Variants in GRAMD4 observed in about 807,000 individuals in gnomAD.
GRAMD4 encodes the protein GRAM domain containing 4, also known as GRAM domain-containing protein 4.
GRAMD4 carries 25 observed loss-of-function variants against 83.9 expected under a neutral mutation model. The ratio of observed to expected loss-of-function variants is 0.30; its 90% CI spans 0.22 to 0.42. The LOEUF is 0.42. GRAMD4 is among the 10% of genes least tolerant of loss of function. The probability of loss-of-function intolerance (pLI) is 1.00; values close to 1 mark genes in which losing one functional copy is unlikely to be tolerated. For synonymous variants in GRAMD4, 336 were observed against 320.9 expected, an observed-to-expected ratio of 1.05 and a Z score of -0.50; for missense variants, 593 against 788.7, an observed-to-expected ratio of 0.75 and a Z score of 2.97.
rs1483259931 is a variant in GRAMD4 at position 46,659,576 on chromosome 22, T to C, written c.404+1269T>C. On this transcript the variant is annotated intron_variant, in intron 4 of 18. Transcript: ENST00000406902. This position sits in a 1 kb window ranked among gnomAD's most constrained non-coding sequence, Gnocchi z 4.1. ...AGGACTCCAAGTGTCGCTGCTTAGCTGGCCCTGAGGAAGCGGCTCCCTTCA... is the reference window on the plus strand; with the variant it reads ...AGGACTCCAAGTGTCGCTGCTTAGCCGGCCCTGAGGAAGCGGCTCCCTTCA... Among the ~76,000 whole-genome samples, 1 of 152,242 alleles carries C rather than the reference T, an allele frequency of 6.6e-6. No individual in the cohort carries two copies. Among genetic ancestry groups the C allele is most frequent in the Non-Finnish European group, 1.5e-5 (1 of 68,052 alleles).
At chr22:46,596,606 G>C (rs902816909) in intron 1 of GRAMD4, among the ~76,000 whole-genome samples, 2 of 152,130 alleles carry the variant, frequency 1.3e-5, no homozygotes, top group Non-Finnish European at 2.9e-5. Flanking sequence ...GCAGTGGCAC[G>C]ATCTCACAAT....
chr22:46,600,573 G>A (rs1424653699), intron 1 of GRAMD4, among the ~76,000 whole-genome samples: 1 of 152,160 alleles, frequency 6.6e-6, no homozygotes, highest in Admixed American at 6.5e-5. Context: ...CTGAGTGGGG[G>A]AAGCACAGAC....
Position 46,647,313 on chromosome 22 carries a change from A to G in GRAMD4, c.283+9353A>G, listed in dbSNP as rs149211501. ...GTTGGCCCCCAATCCCTGTTTCTCC[A>G]TCACCTCCATTGCCCCATGAACTCC... On this transcript the variant is annotated intron_variant, in intron 3 of 18. Coordinates refer to ENST00000406902, the MANE Select transcript of GRAMD4 (RefSeq NM_015124.5). 6.6e-5 allele frequency among the ~76,000 whole-genome samples: 10 copies of G among 152,340 alleles called. No homozygotes were observed. In the East Asian group the frequency reaches 1.9e-3, roughly 29 times the overall value.
intron 17 of GRAMD4, 114 bp from the exon 18 acceptor site, chr22:46,676,486 C>T (rs957179417): frequency 1.6e-5 from 14 of 850,060 alleles, no homozygotes; most frequent in Middle Eastern, 3.4e-4. Context: ...CCCAGGTGCC[C>T]GTGGGCCCTG....
intron 1 of GRAMD4, among the ~76,000 whole-genome samples, chr22:46,578,839 T>C (rs954813408): frequency 1.3e-5 from 2 of 152,070 alleles, no homozygotes; most frequent in Non-Finnish European, 2.9e-5. Context: ...TTGGCAGCCA[T>C]GTGGACCCTT....
chr22:46,623,473 C>T (rs1231130545), intron 1 of GRAMD4, among the ~76,000 whole-genome samples: 1 of 152,128 alleles, frequency 6.6e-6, no homozygotes, highest in Non-Finnish European at 1.5e-5. Flanking sequence ...TTGCAAGCTC[C>T]GCCTCCCGGG....
At chr22:46,664,146 G>T (rs1456082496) in intron 8 of GRAMD4, 29 bp downstream of exon 8, 2 of 1,505,384 alleles carry the variant, frequency 1.3e-6, no homozygotes, top group Non-Finnish European at 9.2e-7. Context: ...GGCCGAGCAG[G>T]GTGGGTGGGA....
intron 2 of GRAMD4, among the ~76,000 whole-genome samples, chr22:46,630,637 C>T (rs1202701169): frequency 6.6e-6 from 1 of 152,218 alleles, no homozygotes. Flanking sequence ...TCTTCCGTGG[C>T]GGACCCCAAG....
rs199502913 is a variant in GRAMD4, at chr22:46,677,125, G to A, written c.1633-22G>A. On this transcript the variant is annotated intron_variant, in intron 18 of 18. Transcript: ENST00000406902. ...CCAGCCTGGCTGTGCCATGCTCACT[G>A]GTGGCATTTCTTCCCTGCCAGCCGC... 2.2e-5 allele frequency: 36 copies of A among 1,611,174 alleles called. No homozygotes were observed. In the East Asian group the frequency reaches 7.4e-4, roughly 33 times the overall value.
chr22:46,617,726 C>T (rs899478406), upstream of GRAMD4, among the ~76,000 whole-genome samples: 8 of 152,160 alleles, frequency 5.3e-5, no homozygotes, highest in Admixed American at 3.3e-4. Flanking sequence ...ATACACCGTG[C>T]TGGCATTAGC....
chr22:46,603,057 A>G (rs903943802), intron 1 of GRAMD4, among the ~76,000 whole-genome samples: 3 of 151,376 alleles, frequency 2.0e-5, no homozygotes, highest in African/African-American at 7.3e-5. Context: ...CCATTTTTCT[A>G]TTGAAATGTT....
In GRAMD4 at chr22:46,677,318, G is replaced by C; in HGVS notation, c.*67G>C. The stretch of plus-strand genomic sequence containing the variant: ...TTTCTTTTTCTTTTTTTTTTTTTAC[G>C]ATTTGGTAGTGGAAACAATTGGACA... On this transcript the variant is annotated 3_prime_UTR_variant, in exon 19 of 19. Transcript: ENST00000406902. 2.0e-6 allele frequency: 3 copies of C among 1,468,812 alleles called. No individual in the cohort carries two copies. Among genetic ancestry groups the C allele is most frequent in the South Asian group, 1.3e-5 (1 of 74,278 alleles). The allele number at this position is 1,468,812 out of a possible 1,614,324, so 91.0% of individuals were successfully genotyped here. A position where few individuals can be genotyped will look rare whatever the true frequency, so the allele number is the denominator to read the frequency against.
chr22:46,656,135 G>A (rs1006428985), intron 3 of GRAMD4, among the ~76,000 whole-genome samples: 7 of 151,848 alleles, frequency 4.6e-5, no homozygotes, highest in African/African-American at 1.7e-4. Context: ...GATGCTGAAG[G>A]ACACTGAAAC....
chr22:46,625,152 G>A (rs1196840984), intron 1 of GRAMD4, among the ~76,000 whole-genome samples: 1 of 152,148 alleles, frequency 6.6e-6, no homozygotes, highest in African/African-American at 2.4e-5. Context: ...GAGCCACCGC[G>A]CCCAGCGTCC....
chr22:46,678,435 C>T lies in GRAMD4; in HGVS notation c.*1184C>T, dbSNP rs760052121. 9.5e-4 allele frequency: 935 copies of T among 985,300 alleles called. 1 individual carries two copies. Among genetic ancestry groups the T allele is most frequent in the Non-Finnish European group, 1.1e-3 (894 of 829,940 alleles). The allele number at this position is 985,300 out of a possible 1,614,324, so 61.0% of individuals were successfully genotyped here. A position where few individuals can be genotyped will look rare whatever the true frequency, so the allele number is the denominator to read the frequency against. ...CTGCCCCAGGGAAGCCTGGGCTTCC[C>T]GGGAACAAGGTGGCATTTGTGGAGG... On this transcript the variant is annotated 3_prime_UTR_variant, in exon 19 of 19. Transcript: ENST00000406902.
chr22:46,641,706 G>A (rs1004341930), intron 3 of GRAMD4, among the ~76,000 whole-genome samples: 10 of 152,162 alleles, frequency 6.6e-5, no homozygotes, highest in East Asian at 1.9e-4. Context: ...TGGTGGTGCC[G>A]TGTGCTTCCA....
chr22:46,667,503 A>G (rs1024856978), intron 10 of GRAMD4, among the ~76,000 whole-genome samples: 2 of 152,230 alleles, frequency 1.3e-5, no homozygotes, highest in African/African-American at 4.8e-5. Flanking sequence ...CATGGAAGCC[A>G]AAAATATTTA....
chr22:46,578,123 C>T (rs959579848), intron 1 of GRAMD4, among the ~76,000 whole-genome samples: 1 of 152,218 alleles, frequency 6.6e-6, no homozygotes, highest in African/African-American at 2.4e-5. Context: ...ATTGTCAACC[C>T]TGCATCTCCT....
chr22:46,677,481 G>C lies in GRAMD4; in HGVS notation c.*230G>C. 7.7e-7 allele frequency: 1 copy of C among 1,299,198 alleles called. No individual in the cohort carries two copies. The highest frequency in any genetic ancestry group is 9.8e-7 in the Non-Finnish European group (1 of 1,020,852). 80.5% of individuals were successfully genotyped at this position (1,299,198 alleles called of 1,614,324 possible). A position where few individuals can be genotyped will look rare whatever the true frequency, so the allele number is the denominator to read the frequency against. On this transcript the variant is annotated 3_prime_UTR_variant, in exon 19 of 19. Transcript: ENST00000406902. Reference sequence around the variant, plus strand: ...CCCACAGGGCACGTCAGGTGCCTCTGAGGGCCACCCGCAGACTGGGGGAGG... The same window carrying C: ...CCCACAGGGCACGTCAGGTGCCTCTCAGGGCCACCCGCAGACTGGGGGAGG...
Sources: allele counts gnomAD v4.1 joint callset (sites outside exome capture counted in the v4.1 genomes callset), GRCh38; gene constraint gnomAD v4.1.1; non-coding constraint Gnocchi (gnomAD v3.1); transcripts MANE v1.5; gene names NCBI Gene and HGNC (gene_info 2026-07-23, HGNC 2026-07-21).